Variants in OPCML observed in about 807,000 individuals in gnomAD.
OPCML encodes opioid-binding protein/cell adhesion molecule.
In OPCML, 13 loss-of-function variants were observed where a neutral mutation model predicts 37.8. The observed-to-expected ratio is 0.34, with a 90% CI of 0.22 to 0.55. The LOEUF (loss-of-function observed/expected upper bound fraction) is 0.55. Among genes scored for constraint, OPCML ranks in the 20% least tolerant of loss-of-function variants. OPCML has a pLI of 0.91. For synonymous variants in OPCML, 176 were observed against 168.8 expected (o/e 1.04, Z -0.33); for missense variants, 341 against 435.6 (o/e 0.78, Z 1.93).
At chr11:133,168,473 G>T (rs536334417) in intron 1 of OPCML, among the ~76,000 whole-genome samples, 1 of 152,134 alleles carries the variant, frequency 6.6e-6, no homozygotes, top group Non-Finnish European at 1.5e-5. Flanking sequence ...GTGTTTTGGG[G>T]TTAATAAGAA....
chr11:132,834,683 G>C (rs889227932), intron 2 of OPCML, among the ~76,000 whole-genome samples: 1 of 152,126 alleles, frequency 6.6e-6, no homozygotes, highest in African/African-American at 2.4e-5. Flanking sequence ...CTTCTTATAA[G>C]GGTATTAGCC....
At chr11:133,058,018 T>C (rs1260591940) in intron 1 of OPCML, among the ~76,000 whole-genome samples, 1 of 152,276 alleles carries the variant, frequency 6.6e-6, no homozygotes, top group Non-Finnish European at 1.5e-5. Flanking sequence ...CCTCCAGGGC[T>C]AGAGCTATGT....
intron 2 of OPCML, among the ~76,000 whole-genome samples, chr11:132,849,240 C>T (rs1565908198): frequency 2.0e-5 from 3 of 152,182 alleles, no homozygotes; most frequent in Admixed American, 6.5e-5. Context: ...ATAACTTGCA[C>T]GATCACATTA....
intron 3 of OPCML, among the ~76,000 whole-genome samples, chr11:132,546,607 C>T (rs965994234): frequency 1.3e-5 from 2 of 152,130 alleles, no homozygotes; most frequent in African/African-American, 2.4e-5. Context: ...AGAGTCTGGC[C>T]TCTGGAGAGA....
intron 1 of OPCML, among the ~76,000 whole-genome samples, chr11:133,331,996 A>G (rs1293668802): frequency 6.6e-6 from 1 of 152,154 alleles, no homozygotes; most frequent in Non-Finnish European, 1.5e-5. Context: ...TGATAGGAGT[A>G]GCATAGAATC....
chr11:133,422,590 C>A, intron 1 of OPCML: 1 of 955,852 alleles, frequency 1.0e-6, no homozygotes, highest in Non-Finnish European at 1.2e-6. Context: ...CTCCTGGGCT[C>A]AAGCAATCCT....
At chr11:132,671,914 A>G (rs183017207) in intron 2 of OPCML, among the ~76,000 whole-genome samples, 1 of 152,360 alleles carries the variant, frequency 6.6e-6, no homozygotes, top group Admixed American at 6.5e-5. Context: ...TTTACTCTGT[A>G]CTTTACAGCC....
At chr11:132,672,750 C>G (rs929853785) in intron 2 of OPCML, among the ~76,000 whole-genome samples, 8 of 152,136 alleles carry the variant, frequency 5.3e-5, no homozygotes, top group Admixed American at 2.0e-4. Context: ...CCCAACCCCT[C>G]TCTATTAACA....
At chr11:132,727,941 G>T (rs1315957445) in intron 2 of OPCML, among the ~76,000 whole-genome samples, 1 of 152,166 alleles carries the variant, frequency 6.6e-6, no homozygotes, top group Non-Finnish European at 1.5e-5. Flanking sequence ...CTCCTCTGCC[G>T]GGTAAGCTGG....
intron 3 of OPCML, among the ~76,000 whole-genome samples, chr11:132,655,697 TG>T (rs1445226168): frequency 6.6e-6 from 1 of 152,162 alleles, no homozygotes; most frequent in African/African-American, 2.4e-5. Context: ...GACAGCTCTC[TG>T]GCCCCACACA....
intron 1 of OPCML, among the ~76,000 whole-genome samples, chr11:133,448,939 AATAATAACAC>A (rs1436657590): frequency 1.3e-5 from 2 of 152,224 alleles, no homozygotes; most frequent in African/African-American, 4.8e-5. Flanking sequence ...CATACAGACA[AATAATAACAC>A]ATAATAACAA....
chr11:132,840,441 C>T (rs140359375), intron 2 of OPCML, among the ~76,000 whole-genome samples: 5 of 152,260 alleles, frequency 3.3e-5, no homozygotes, highest in Admixed American at 1.3e-4. Context: ...CCACTGGGCC[C>T]GTTTTGCTCA....
chr11:133,141,364 A>G (rs1949821561), intron 1 of OPCML, among the ~76,000 whole-genome samples: 1 of 151,990 alleles, frequency 6.6e-6, no homozygotes, highest in Non-Finnish European at 1.5e-5. Flanking sequence ...GTTTGTATCA[A>G]CTGTGCATAC....
chr11:132,955,652 G>T (rs925944422), intron 1 of OPCML, among the ~76,000 whole-genome samples: 1 of 152,156 alleles, frequency 6.6e-6, no homozygotes, highest in African/African-American at 2.4e-5. Flanking sequence ...GGGAGGTTGA[G>T]GCAGGCGGAT....
intron 2 of OPCML, among the ~76,000 whole-genome samples, chr11:132,817,495 A>T (rs902987832): frequency 1.8e-4 from 27 of 152,002 alleles, no homozygotes; most frequent in African/African-American, 6.3e-4. Flanking sequence ...TTTTAAAGGG[A>T]TGTGTGAAGC....
At chr11:133,321,258 G>A (rs1428203478) in intron 1 of OPCML, among the ~76,000 whole-genome samples, 1 of 152,216 alleles carries the variant, frequency 6.6e-6, no homozygotes, top group African/African-American at 2.4e-5. Flanking sequence ...GCTGGACAGA[G>A]TAAGATTCTG....
At chr11:132,521,333 T>A (rs2096293060) in intron 4 of OPCML, among the ~76,000 whole-genome samples, 2 of 152,228 alleles carry the variant, frequency 1.3e-5, no homozygotes, top group South Asian at 4.1e-4. Flanking sequence ...AGATTGCCTG[T>A]TCACTCTGAT....
chr11:132,604,160 T>C lies in OPCML; in HGVS notation c.379+52927A>G, dbSNP rs532456465. ...GATGAGCAAGAGCTCATGTGTGACC[T>C]CTGTTGGGCTCCATGCGTCTGTCCT... On this transcript the variant is annotated intron_variant, in intron 3 of 7. Transcript: ENST00000524381. 3.3e-5 allele frequency among the ~76,000 whole-genome samples: 5 copies of C among 152,292 alleles called. No homozygotes were observed. The South Asian group carries it at 1.0e-3, about 32-fold the overall frequency.
intron 1 of OPCML, among the ~76,000 whole-genome samples, chr11:133,445,483 T>C (rs1403739349): frequency 6.6e-6 from 1 of 151,870 alleles, no homozygotes; most frequent in African/African-American, 2.4e-5. Flanking sequence ...GAGTGGGGAG[T>C]AAAGGAGATC....
Sources: allele counts gnomAD v4.1 joint callset (sites outside exome capture counted in the v4.1 genomes callset), GRCh38; gene constraint gnomAD v4.1.1; transcripts MANE v1.5; gene names NCBI Gene and HGNC (gene_info 2026-07-23, HGNC 2026-07-21).